Variants in RNF25 observed in about 807,000 individuals in gnomAD.
RNF25 encodes ring finger protein 25.
A neutral mutation model predicts 65.0 loss-of-function variants in RNF25; 32 were observed. The observed-to-expected ratio is 0.49, with a 90% CI of 0.37 to 0.66. The LOEUF (loss-of-function observed/expected upper bound fraction) is 0.66. Ranked by LOEUF, RNF25 falls within the 30% of genes least tolerant of loss-of-function variation. The pLI is 0.00. For synonymous variants in RNF25, 207 were observed against 221.2 expected, an observed-to-expected ratio of 0.94 and a Z score of 0.57; for missense variants, 493 against 584.8, an observed-to-expected ratio of 0.84 and a Z score of 1.62.
chr2:218,671,171 C>CA (rs975460003), intron 1 of RNF25, among the ~76,000 whole-genome samples: 6 of 151,794 alleles, frequency 4.0e-5, no homozygotes, highest in Admixed American at 2.0e-4. Context: ...GACTCTGTCT[C>CA]AAAAAACAAA....
At position 218,663,922 on chromosome 2, in the gene RNF25, C is replaced by T. The variant is rs780468852; in HGVS notation, c.*35G>A. The T allele has an allele frequency of 1.4e-6, 2 of 1,403,034 alleles. No homozygotes were observed. The highest frequency in any genetic ancestry group is 5.3e-5 in the Admixed American group (2 of 37,600). The allele number at this position is 1,403,034 out of a possible 1,614,324, so 86.9% of individuals were successfully genotyped here. A position where few individuals can be genotyped will look rare whatever the true frequency, so the allele number is the denominator to read the frequency against. ...CCAAATATCTTTATTGCCTCCCTCC[C>T]ATCCCCAATTCCCTGTTCCCCCCAC... On this transcript the variant is annotated 3_prime_UTR_variant, in exon 10 of 10. Coordinates refer to ENST00000295704, the MANE Select transcript of RNF25 (RefSeq NM_022453.3).
In RNF25 at chr2:218,668,614, C is replaced by T. The variant is rs1486011219; in HGVS notation, c.107G>A (p.Gly36Glu). 1 of 1,609,672 alleles carries T rather than the reference C, an allele frequency of 6.2e-7. No homozygotes were observed. The highest frequency in any genetic ancestry group is 8.5e-7 in the Non-Finnish European group (1 of 1,176,100). Reference protein sequence around the residue: ...IYLDELQVIKGNGRTSPWEIY... With the variant: ...IYLDELQVIKENGRTSPWEIY... ...CTGGTTGAATACATACCTGCCATTT[C>T]CTTTAATCACCTGTAGTTCATCTAG... Residue 36 changes from glycine to glutamate, a missense_variant, in exon 2 of 10, where the codon GGA becomes GAA. By Grantham distance (98) the Gly-to-Glu change is moderately conservative. Coordinates refer to ENST00000295704, the MANE Select transcript of RNF25 (RefSeq NM_022453.3).
At position 218,664,390 on chromosome 2, in the gene RNF25, C is replaced by A; in HGVS notation, c.947G>T (p.Cys316Phe). ...PPLPVATQHI[C>F]EKIPGTRSNQ... ...TGACCTGGTCCCTGGAATCTTCTCA[C>A]ATATGTGCTGGGTCGCCACAGGCAG... The change falls in exon 10 of 10, where the codon TGT becomes TTT. Residue 316 changes from cysteine to phenylalanine, a missense_variant. Physicochemically the swap from Cys to Phe is radical, Grantham distance 205. Coordinates refer to ENST00000295704, the MANE Select transcript of RNF25 (RefSeq NM_022453.3). The surrounding 1 kb of genome is among the most constrained non-coding windows in gnomAD (Gnocchi z 5.1). 1 of 1,614,184 alleles carries A rather than the reference C, an allele frequency of 6.2e-7. No individual in the cohort carries two copies. The highest frequency in any genetic ancestry group is 1.6e-4 in the Middle Eastern group (1 of 6,062).
chr2:218,668,581 G>T (rs752059100), intron 2 of RNF25, 24 bp downstream of exon 2: 1 of 1,553,846 alleles, frequency 6.4e-7, no homozygotes, highest in East Asian at 2.2e-5. Flanking sequence ...GGGGACTCCT[G>T]CCCACCACTG....
chr2:218,664,108 G>T lies in RNF25; in HGVS notation c.1229C>A (p.Pro410Gln), dbSNP rs773031082. ...EKGPGSWQGP[P>Q]PRRTRDCVRW... The stretch of plus-strand genomic sequence containing the variant: ...AACACAGTCCCGAGTCCTGCGGGGT[G>T]GGGGCCCCTGCCAGCTGCCAGGCCC... Residue 410 changes from proline (P) to glutamine (Q), a missense_variant, in exon 10 of 10, where the codon CCA (proline) becomes CAA (glutamine). Transcript: ENST00000295704. This position sits in a 1 kb window ranked among gnomAD's most constrained non-coding sequence, Gnocchi z 5.1. 3.9e-6 allele frequency: 6 copies of T among 1,522,816 alleles called. No homozygotes were observed. In the East Asian group the frequency reaches 1.4e-4, roughly 34 times the overall value. The allele number at this position is 1,522,816 out of a possible 1,614,324, so 94.3% of individuals were successfully genotyped here.
chr2:218,665,414 C>G (rs1939801929), intron 7 of RNF25, among the ~76,000 whole-genome samples, 167 bp from the exon 8 acceptor site: 1 of 152,084 alleles, frequency 6.6e-6, no homozygotes, highest in African/African-American at 2.4e-5. Context: ...GATCTGGGAA[C>G]CCCCCGAAAC....
chr2:218,666,082 G>A (rs1257370360), intron 6 of RNF25, 23 bp from the exon 7 acceptor site: 3 of 1,612,468 alleles, frequency 1.9e-6, no homozygotes, highest in Non-Finnish European at 2.5e-6. Context: ...CAGATGTAGG[G>A]CACTAAGTCA....
chr2:218,670,892 G>A (rs949150777), intron 1 of RNF25, among the ~76,000 whole-genome samples: 6 of 151,948 alleles, frequency 3.9e-5, no homozygotes, highest in Admixed American at 3.3e-4. Flanking sequence ...TGAAAAGGAG[G>A]CCGGGTGTGG....
intron 2 of RNF25, 23 bp from the exon 3 acceptor site, chr2:218,668,364 C>T (rs140401968): frequency 4.2e-4 from 640 of 1,514,828 alleles, no homozygotes; most frequent in Non-Finnish European, 5.2e-4. Flanking sequence ...CAAGTGGACA[C>T]GCAGATGTGA....
intron 2 of RNF25, 116 bp downstream of exon 2, chr2:218,668,489 C>T: frequency 1.0e-6 from 1 of 996,454 alleles, no homozygotes; most frequent in Non-Finnish European, 1.6e-6. Flanking sequence ...CTTTTGTCTA[C>T]ACAAGAGAAA....
In RNF25 at chr2:218,667,513, G is replaced by A. The variant is rs544297777; in HGVS notation, c.357+399C>T. ...TTACAAATGCCCGCCACCGTGCCTG[G>A]CCAACCATGACTTTTTCTAGTCAGG... On this transcript the variant is annotated intron_variant, in intron 5 of 9. Transcript: ENST00000295704. Among the ~76,000 whole-genome samples the A allele has an allele frequency of 2.6e-5, 4 of 152,074 alleles. No homozygotes were observed. In the East Asian group the frequency reaches 5.8e-4, roughly 22 times the overall value.
At chr2:218,671,661 A>AT (rs1201541397) in intron 1 of RNF25, among the ~76,000 whole-genome samples, 2 of 152,180 alleles carry the variant, frequency 1.3e-5, no homozygotes, top group Non-Finnish European at 2.9e-5. Context: ...AGAGAAAGGG[A>AT]TGGCGTGAAG....
intron 4 of RNF25, 46 bp from the exon 5 acceptor site, chr2:218,668,027 C>T (rs372763072): frequency 6.2e-7 from 1 of 1,612,680 alleles, no homozygotes; most frequent in Non-Finnish European, 8.5e-7. Flanking sequence ...CCATTTCTGT[C>T]ACCGGGCAAA....
intron 5 of RNF25, 138 bp downstream of exon 5, chr2:218,667,774 C>T (rs1327219421): frequency 5.3e-6 from 4 of 748,278 alleles, no homozygotes; most frequent in African/African-American, 1.7e-5. Flanking sequence ...AGAAGAGTCT[C>T]ATTTCTCTGG....
In RNF25 at chr2:218,664,417, G is replaced by A. The variant is rs116768938; in HGVS notation, c.920C>T (p.Pro307Leu). 108 of 1,614,246 alleles carry A rather than the reference G, an allele frequency of 6.7e-5. No individual in the cohort carries two copies. In the African/African-American group the frequency reaches 1.3e-3, roughly 20 times the overall value. Residue 307 changes from proline (P) to leucine (L), a missense_variant, in exon 10 of 10, where the codon CCT (proline) becomes CTT (leucine). By Grantham distance (98) the Pro-to-Leu change is moderately conservative (BLOSUM62 -3). This residue lies in a region of RNF25 where 351 missense variants were observed against 400.2 expected (regional missense o/e 0.88). Transcript: ENST00000295704. The surrounding 1 kb of genome is among the most constrained non-coding windows in gnomAD (Gnocchi z 5.1). The stretch of plus-strand genomic sequence containing the variant: ...TATGTGCTGGGTCGCCACAGGCAGA[G>A]GAGGTGGCAAAGTGGATTGGACGGC... ...SPAVQSTLPP[P>L]LPVATQHICE...
rs772540876 is a variant in RNF25 at position 218,665,266 on chromosome 2, A to C, written c.574-19T>G. The C allele has an allele frequency of 3.8e-5, 61 of 1,609,654 alleles. 1 individual carries two copies. The highest frequency in any genetic ancestry group is 3.0e-4 in the South Asian group (27 of 90,854). ...CTGCCTTCTAAAAAAGAGAAAAATC[A>C]TATGCCTGTGTCACAGCCCAGGATG... is the stretch of plus-strand genomic sequence containing the variant. On this transcript the variant is annotated intron_variant, in intron 7 of 9. Transcript: ENST00000295704.
At chr2:218,666,977 T>C (rs558386452) in intron 5 of RNF25, among the ~76,000 whole-genome samples, 1 of 152,282 alleles carries the variant, frequency 6.6e-6, no homozygotes, top group East Asian at 1.9e-4. Context: ...AAGACCAGCC[T>C]GGCCAACATG....
chr2:218,670,693 C>T (rs1481889005), intron 1 of RNF25, among the ~76,000 whole-genome samples: 2 of 84,352 alleles, frequency 2.4e-5, no homozygotes, highest in African/African-American at 1.2e-4. Context: ...AAGACTCCGT[C>T]TCAAAAAAAA....
intron 7 of RNF25, among the ~76,000 whole-genome samples, chr2:218,665,478 G>A (rs865825620): frequency 1.3e-5 from 2 of 152,094 alleles, no homozygotes; most frequent in East Asian, 1.9e-4. Flanking sequence ...ACGGTGGCTC[G>A]CGCCTGTAAT....
Sources: gnomAD v4.1 joint callset for allele counts (sites outside exome capture counted in the v4.1 genomes callset) on GRCh38, gnomAD v4.1.1 for gene constraint, gnomAD v4.1.1 regional missense constraint, Gnocchi (gnomAD v3.1) non-coding constraint, MANE v1.5 for transcripts, NCBI Gene and HGNC (gene_info 2026-07-23, HGNC 2026-07-21) for gene names.